Variants in ARFGEF2 observed in about 807,000 individuals in gnomAD.
The protein encoded by ARFGEF2 is brefeldin A-inhibited guanine nucleotide-exchange protein 2.
A neutral mutation model predicts 219.9 loss-of-function variants in ARFGEF2; 74 were observed. The ratio of observed to expected loss-of-function variants is 0.34; its 90% CI spans 0.28 to 0.41. ARFGEF2 has a LOEUF of 0.41. ARFGEF2 is among the 10% of genes least tolerant of loss of function. The probability of loss-of-function intolerance (pLI) is 1.00; values close to 1 mark genes in which losing one functional copy is unlikely to be tolerated. For synonymous variants in ARFGEF2, 733 were observed against 799.2 expected, an observed-to-expected ratio of 0.92 and a Z score of 1.40; for missense variants, 1,743 against 2,218.3, an observed-to-expected ratio of 0.79 and a Z score of 4.30.
At chr20:48,953,833 G>A (rs1380265702) in intron 6 of ARFGEF2, 43 bp downstream of exon 6, 3 of 1,575,084 alleles carry the variant, frequency 1.9e-6, no homozygotes, top group African/African-American at 2.7e-5. Flanking sequence ...AGTGTGAGAG[G>A]GAATCAGCCT....
rs773805869 is a variant in ARFGEF2, at chr20:48,998,389, C to A, written c.3316C>A (p.His1106Asn). Residue 1106 changes from histidine to asparagine, a missense_variant, in exon 25 of 39, where the codon CAC becomes AAC. Transcript: ENST00000371917. ...GTCCATGGATGAACTGGCTTCCCCC[C>A]ACCATCCTCGCATGTTCAGCTTGCA... ...AVSMDELASP[H>N]HPRMFSLQKI... 1.9e-6 allele frequency: 3 copies of A among 1,614,038 alleles called. No homozygotes were observed. Among genetic ancestry groups the A allele is most frequent in the Non-Finnish European group, 2.5e-6 (3 of 1,180,042 alleles).
At chr20:48,985,318 G>C (rs1325638693) in intron 15 of ARFGEF2, 90 bp from the exon 16 acceptor site, 2 of 1,394,992 alleles carry the variant, frequency 1.4e-6, no homozygotes, top group Non-Finnish European at 2.0e-6. Context: ...GTTAGGGCCA[G>C]GCTATTCTGA....
chr20:48,996,083 T>TA (rs1349503391), intron 23 of ARFGEF2, among the ~76,000 whole-genome samples: 1 of 152,236 alleles, frequency 6.6e-6, no homozygotes, highest in East Asian at 1.9e-4. Context: ...ATGTCAAAAA[T>TA]AAGAGTTTTT....
chr20:48,985,653 G>A, intron 16 of ARFGEF2, 40 bp downstream of exon 16: 2 of 1,598,836 alleles, frequency 1.3e-6, no homozygotes, highest in Non-Finnish European at 1.7e-6. Flanking sequence ...TCATCTGTTT[G>A]CCTGCCTCAG....
At chr20:49,010,019 GT>G (rs1422199537) in intron 26 of ARFGEF2, among the ~76,000 whole-genome samples, 1 of 152,190 alleles carries the variant, frequency 6.6e-6, no homozygotes, top group Non-Finnish European at 1.5e-5. Context: ...TCAACCTTGA[GT>G]TTATTGTTTC....
chr20:48,941,869 G>T lies in ARFGEF2; in HGVS notation c.158G>T (p.Gly53Val), dbSNP rs374268118. 4.6e-5 allele frequency: 74 copies of T among 1,614,062 alleles called. No homozygotes were observed. The highest frequency in any genetic ancestry group is 5.8e-5 in the Non-Finnish European group (69 of 1,180,050). ...CTCTCTTGCTTTTCTCCTAGGCTTG[G>T]CACTGCTGCACCACCAAAGGCAAAC... Reference protein sequence around the residue: ...IKAEIEKQRLGTAAPPKANFI... With the variant: ...IKAEIEKQRLVTAAPPKANFI... The change falls in exon 3 of 39, where the codon GGC becomes GTC. Residue 53 changes from glycine (G) to valine (V), a missense_variant. Physicochemically the swap from Gly to Val is moderately radical, Grantham distance 109. Transcript: ENST00000371917.
chr20:48,922,151 T>A (rs1336326172), intron 1 of ARFGEF2, 141 bp downstream of exon 1: 2 of 1,318,978 alleles, frequency 1.5e-6, no homozygotes, highest in Non-Finnish European at 2.0e-6. Flanking sequence ...CTCCTCATTA[T>A]ACCCCCGGAG....
rs912017480 is a variant in ARFGEF2, at chr20:48,996,010, G to C, written c.3221+128G>C. 4 of 826,100 alleles carry C rather than the reference G, an allele frequency of 4.8e-6. No homozygotes were observed. The African/African-American group carries it at 6.7e-5, about 14-fold the overall frequency. The allele number at this position is 826,100 out of a possible 1,614,324, so 51.2% of individuals were successfully genotyped here. The stretch of plus-strand genomic sequence containing the variant: ...GTGTTGTTAGCTACAAATTGCTTAA[G>C]TGTCACATTTATTTGCATTTTGACC... On this transcript the variant is annotated intron_variant, in intron 23 of 38. Coordinates refer to ENST00000371917, the MANE Select transcript of ARFGEF2 (RefSeq NM_006420.3).
At chr20:48,949,990 T>G (rs2091055358) in intron 3 of ARFGEF2, among the ~76,000 whole-genome samples, 1 of 152,174 alleles carries the variant, frequency 6.6e-6, no homozygotes, top group Admixed American at 6.5e-5. Flanking sequence ...CACCTGGAAG[T>G]TCTGCTTCAG....
intron 38 of ARFGEF2, among the ~76,000 whole-genome samples, chr20:49,032,602 T>G (rs905200776): frequency 2.0e-5 from 3 of 152,114 alleles, no homozygotes; most frequent in Non-Finnish European, 4.4e-5. Flanking sequence ...AACTTCTTTT[T>G]TTTTTTTTGA....
intron 3 of ARFGEF2, among the ~76,000 whole-genome samples, chr20:48,944,519 A>G (rs1568695569): frequency 6.6e-6 from 1 of 152,190 alleles, no homozygotes; most frequent in Non-Finnish European, 1.5e-5. Flanking sequence ...CAGTGGCGCG[A>G]TCGTGGCTCA....
At chr20:49,008,579 C>T (rs1312757741) in intron 26 of ARFGEF2, among the ~76,000 whole-genome samples, 1 of 150,510 alleles carries the variant, frequency 6.6e-6, no homozygotes, top group African/African-American at 2.5e-5. Context: ...AAAAAGTTCA[C>T]AATGTTTATA....
At chr20:48,931,240 G>A (rs1047879109) in intron 1 of ARFGEF2, among the ~76,000 whole-genome samples, 2 of 152,144 alleles carry the variant, frequency 1.3e-5, no homozygotes, top group African/African-American at 4.8e-5. Context: ...TTTTTTTAAG[G>A]TAGAAGAGAC....
intron 37 of ARFGEF2, among the ~76,000 whole-genome samples, chr20:49,030,479 A>AG (rs2091627876): frequency 6.6e-6 from 1 of 151,954 alleles, no homozygotes; most frequent in African/African-American, 2.4e-5. Context: ...AAAAAAAAAA[A>AG]ACTGGAAGGA....
At chr20:48,972,198 C>G in intron 10 of ARFGEF2, 128 bp from the exon 11 acceptor site, 1 of 715,852 alleles carries the variant, frequency 1.4e-6, no homozygotes, top group Non-Finnish European at 2.5e-6. Context: ...CAGGTGGGCA[C>G]TCCACTCTTC....
intron 14 of ARFGEF2, among the ~76,000 whole-genome samples, chr20:48,979,913 C>T (rs1157013759): frequency 6.6e-6 from 1 of 150,608 alleles, no homozygotes; most frequent in South Asian, 2.1e-4. Flanking sequence ...TTTTGTTGAT[C>T]TTTTTTAAAA....
At chr20:48,991,884 A>G (rs1390509621) in intron 21 of ARFGEF2, among the ~76,000 whole-genome samples, 6 of 152,332 alleles carry the variant, frequency 3.9e-5, no homozygotes, top group Middle Eastern at 3.4e-3. Flanking sequence ...GGAAGTACAC[A>G]ATACTACCTA....
chr20:48,959,020 G>A (rs2091122622), intron 6 of ARFGEF2, among the ~76,000 whole-genome samples: 1 of 152,162 alleles, frequency 6.6e-6, no homozygotes, highest in South Asian at 2.1e-4. Flanking sequence ...TTAAATAGAA[G>A]CCCATTCTGG....
intron 36 of ARFGEF2, among the ~76,000 whole-genome samples, chr20:49,026,778 G>A (rs2091606453): frequency 6.6e-6 from 1 of 151,798 alleles, no homozygotes; most frequent in Non-Finnish European, 1.5e-5. Flanking sequence ...TAGAAACAGG[G>A]TTTCACCATG....
Sources: gnomAD v4.1 joint callset for allele counts (sites outside exome capture counted in the v4.1 genomes callset) on GRCh38, gnomAD v4.1.1 for gene constraint, MANE v1.5 for transcripts, NCBI Gene and HGNC (gene_info 2026-07-23, HGNC 2026-07-21) for gene names.